Variants in PHACTR1 observed in about 807,000 individuals in gnomAD.
PHACTR1 encodes the protein phosphatase and actin regulator 1, also known as RPEL repeat containing 1.
A neutral mutation model predicts 69.2 loss-of-function variants in PHACTR1; 16 were observed. That is an observed-to-expected ratio of 0.23 (90% confidence interval 0.16 to 0.35). The LOEUF (loss-of-function observed/expected upper bound fraction) is 0.35, where lower values mean the gene tolerates loss of function less well. PHACTR1 is among the 10% of genes least tolerant of loss of function. The probability of loss-of-function intolerance (pLI) is 1.00; values close to 1 mark genes in which losing one functional copy is unlikely to be tolerated. For synonymous variants in PHACTR1, 312 were observed against 284.5 expected, an observed-to-expected ratio of 1.10 and a Z score of -0.97; for missense variants, 510 against 734.7, an observed-to-expected ratio of 0.69 and a Z score of 3.54.
At chr6:12,731,168 A>G (rs1199496425) in intron 3 of PHACTR1, among the ~76,000 whole-genome samples, 1 of 151,928 alleles carries the variant, frequency 6.6e-6, no homozygotes, top group Non-Finnish European at 1.5e-5. Context: ...GGTGCCCGCC[A>G]CCATGCCTGG....
At chr6:13,115,699 C>T (rs567886769) in intron 5 of PHACTR1, among the ~76,000 whole-genome samples, 3 of 152,250 alleles carry the variant, frequency 2.0e-5, no homozygotes, top group South Asian at 2.1e-4. Context: ...CCAGGCTCCA[C>T]GTAGGCTGTA....
intron 11 of PHACTR1, chr6:13,273,500 A>C: frequency 6.6e-6 from 1 of 152,526 alleles, no homozygotes; most frequent in East Asian, 1.9e-4. Flanking sequence ...ACTGCCTTTC[A>C]CCATTGCTGC....
chr6:13,036,146 A>G (rs1489971897), intron 4 of PHACTR1, among the ~76,000 whole-genome samples: 1 of 152,026 alleles, frequency 6.6e-6, no homozygotes, highest in Admixed American at 6.6e-5. Context: ...CAAAAAAAAA[A>G]AGACTGAAGA....
At chr6:13,076,524 G>C (rs771108538) in intron 5 of PHACTR1, among the ~76,000 whole-genome samples, 2 of 152,078 alleles carry the variant, frequency 1.3e-5, no homozygotes, top group African/African-American at 4.8e-5. Context: ...ACCAACATTT[G>C]GTCTTCTGCA....
At chr6:13,077,036 A>G (rs1810597422) in intron 5 of PHACTR1, among the ~76,000 whole-genome samples, 1 of 151,320 alleles carries the variant, frequency 6.6e-6, no homozygotes, top group Non-Finnish European at 1.5e-5. Flanking sequence ...GCACATGTAT[A>G]CATATGTAAC....
intron 5 of PHACTR1, among the ~76,000 whole-genome samples, chr6:13,107,527 A>G (rs545787635): frequency 6.6e-6 from 1 of 152,328 alleles, no homozygotes; most frequent in East Asian, 1.9e-4. Context: ...AAGGGTTTCA[A>G]TTTCAATGTC....
rs536283544 is a variant in PHACTR1, at chr6:12,956,356, G to T, written c.251-97009G>T. Among the ~76,000 whole-genome samples the T allele has an allele frequency of 2.6e-4, 40 of 152,324 alleles. No homozygotes were observed. The South Asian group carries it at 8.1e-3, about 31-fold the overall frequency. On this transcript the variant is annotated intron_variant, in intron 4 of 14. Transcript: ENST00000332995. Reference sequence around the variant, plus strand: ...GTTACCCTCATTGATTGCCACTTAAGTTCCACTCATGGGTCGATTCTGTTT... The same window carrying T: ...GTTACCCTCATTGATTGCCACTTAATTTCCACTCATGGGTCGATTCTGTTT...
chr6:12,817,005 A>G (rs7764490), intron 4 of PHACTR1, among the ~76,000 whole-genome samples: 69,543 of 151,970 alleles, frequency 0.46, 16,922 homozygotes, highest in African/African-American at 0.6. Context: ...GTGGGGGTGC[A>G]TGTGTGTGCC....
In PHACTR1 at chr6:12,924,962, C is replaced by A. The variant is rs567669264; in HGVS notation, c.251-128403C>A. Among the ~76,000 whole-genome samples the A allele has an allele frequency of 2.9e-4, 44 of 152,118 alleles. No homozygotes were observed. The South Asian group carries it at 9.2e-3, about 32-fold the overall frequency. On this transcript the variant is annotated intron_variant, in intron 4 of 14. Coordinates refer to ENST00000332995, the MANE Select transcript of PHACTR1 (RefSeq NM_030948.6). ...CATTAGCATTACCCCTCAATACATA[C>A]CATTTATGACAGAAATCATCTGTGA...
intron 5 of PHACTR1, among the ~76,000 whole-genome samples, chr6:13,112,294 T>G (rs1020317712): frequency 6.6e-6 from 1 of 152,214 alleles, no homozygotes; most frequent in African/African-American, 2.4e-5. Flanking sequence ...AGCGTTTAGG[T>G]TGATTCCATG....
chr6:13,232,134 G>T (rs1771318466), intron 10 of PHACTR1, among the ~76,000 whole-genome samples: 2 of 152,190 alleles, frequency 1.3e-5, no homozygotes, highest in South Asian at 4.1e-4. Context: ...CAAGTTAATA[G>T]AAGTATTTAA....
intron 3 of PHACTR1, among the ~76,000 whole-genome samples, chr6:12,742,904 G>A (rs1765234161): frequency 6.6e-6 from 1 of 152,120 alleles, no homozygotes; most frequent in Non-Finnish European, 1.5e-5. Context: ...TATTCAGTAA[G>A]CTTATCTGGC....
At chr6:13,040,838 C>G (rs978582755) in intron 4 of PHACTR1, among the ~76,000 whole-genome samples, 1 of 152,038 alleles carries the variant, frequency 6.6e-6, no homozygotes, top group East Asian at 1.9e-4. Flanking sequence ...ATTGCTATTC[C>G]CATTTTTTGT....
chr6:13,020,373 C>T (rs764583193), intron 4 of PHACTR1, among the ~76,000 whole-genome samples: 1 of 152,146 alleles, frequency 6.6e-6, no homozygotes, highest in Non-Finnish European at 1.5e-5. Context: ...GCATTGATGC[C>T]TACAGTGAAC....
intron 4 of PHACTR1, among the ~76,000 whole-genome samples, chr6:12,961,949 G>A (rs1792797001): frequency 6.6e-6 from 1 of 151,982 alleles, no homozygotes; most frequent in Non-Finnish European, 1.5e-5. Context: ...TTGGTTTTGA[G>A]TCAGGATCTG....
In PHACTR1 at chr6:13,019,659, T is replaced by G. The variant is rs1248933999; in HGVS notation, c.251-33706T>G. 2.6e-5 allele frequency among the ~76,000 whole-genome samples: 4 copies of G among 152,330 alleles called. No individual in the cohort carries two copies. In the East Asian group the frequency reaches 7.7e-4, roughly 29 times the overall value. Reference sequence around the variant, plus strand: ...AGACATCTGTAAATAGTCACTTAGTTTAGGAGAAGACATATTTAAACAATT... The same window carrying G: ...AGACATCTGTAAATAGTCACTTAGTGTAGGAGAAGACATATTTAAACAATT... On this transcript the variant is annotated intron_variant, in intron 4 of 14. Coordinates refer to ENST00000332995, the MANE Select transcript of PHACTR1 (RefSeq NM_030948.6).
intron 5 of PHACTR1, among the ~76,000 whole-genome samples, chr6:13,154,731 T>C (rs1160814074): frequency 2.6e-5 from 4 of 151,798 alleles, no homozygotes; most frequent in African/African-American, 9.7e-5. Context: ...CTGATTTATC[T>C]TATCCCTGCC....
chr6:13,095,555 C>T (rs149259976), intron 5 of PHACTR1, among the ~76,000 whole-genome samples: 3 of 152,250 alleles, frequency 2.0e-5, no homozygotes, highest in African/African-American at 7.2e-5. Context: ...GGGATCCTCC[C>T]ACTATCCTAA....
At chr6:13,211,398 A>G (rs1271482838) in intron 8 of PHACTR1, among the ~76,000 whole-genome samples, 1 of 152,092 alleles carries the variant, frequency 6.6e-6, no homozygotes, top group Non-Finnish European at 1.5e-5. Context: ...GTTGGCATCA[A>G]TCCTAGAAGT....
Sources: allele counts gnomAD v4.1 joint callset (sites outside exome capture counted in the v4.1 genomes callset), GRCh38; gene constraint gnomAD v4.1.1; transcripts MANE v1.5; gene names NCBI Gene and HGNC (gene_info 2026-07-23, HGNC 2026-07-21).